The following LUZP2 variants were observed in gnomAD, a reference collection of about 807,000 sequenced individuals.
The protein encoded by LUZP2 is leucine zipper protein 2.
LUZP2 carries 52 observed loss-of-function variants against 51.6 expected under a neutral mutation model. That is an observed-to-expected ratio of 1.01 (90% CI 0.81 to 1.27). The LOEUF (loss-of-function observed/expected upper bound fraction) is 1.27, where lower values mean the gene tolerates loss of function less well. LUZP2 is among the 50% of genes most tolerant of loss of function. The pLI is 0.00. For missense variants in LUZP2, 436 were observed against 395.4 expected (o/e 1.10, Z -0.87); for synonymous variants, 154 against 137.3 (o/e 1.12, Z -0.85).
chr11:24,613,326 G>A (rs546656713), intron 1 of LUZP2, among the ~76,000 whole-genome samples: 2 of 145,956 alleles, frequency 1.4e-5, no homozygotes, highest in South Asian at 2.2e-4. Context: ...GTGCATGGGT[G>A]CACACACACA....
Position 24,617,329 on chromosome 11 carries a change from T to A in LUZP2, c.63-111840T>A, listed in dbSNP as rs1339964723. Reference sequence around the variant, plus strand: ...ATCCAATTTTGCCTTATTTTTCACCTGATTTGTGGCTACCTCCTCTCTTTT... The same window carrying A: ...ATCCAATTTTGCCTTATTTTTCACCAGATTTGTGGCTACCTCCTCTCTTTT... On this transcript the variant is annotated intron_variant, in intron 1 of 11. Coordinates refer to ENST00000336930, the MANE Select transcript of LUZP2 (RefSeq NM_001009909.4). Among the ~76,000 whole-genome samples the A allele has an allele frequency of 3.3e-5, 5 of 152,208 alleles. No homozygotes were observed. In the South Asian group the frequency reaches 1.0e-3, roughly 31 times the overall value.
At chr11:24,854,880 G>T (rs1251897095) in intron 5 of LUZP2, among the ~76,000 whole-genome samples, 1 of 152,134 alleles carries the variant, frequency 6.6e-6, no homozygotes, top group Admixed American at 6.5e-5. Flanking sequence ...TTGGCTAGGG[G>T]TGGGAATTTC....
At chr11:24,797,600 A>T (rs868358914) in intron 5 of LUZP2, among the ~76,000 whole-genome samples, 1 of 152,184 alleles carries the variant, frequency 6.6e-6, no homozygotes. Flanking sequence ...TAAACCTGCC[A>T]GTAGTAGAAA....
chr11:24,525,309 A>G (rs1333617964), intron 1 of LUZP2, among the ~76,000 whole-genome samples: 1 of 151,676 alleles, frequency 6.6e-6, no homozygotes, highest in East Asian at 1.9e-4. Context: ...TTTGTTTACA[A>G]AGGTAGAGAA....
At chr11:24,714,265 A>ATGTGCC (rs1857952059) in intron 1 of LUZP2, among the ~76,000 whole-genome samples, 1 of 152,040 alleles carries the variant, frequency 6.6e-6, no homozygotes, top group Admixed American at 6.6e-5. Flanking sequence ...CCTATGTAAC[A>ATGTGCC]AACCTGCATG....
chr11:24,966,278 T>C (rs1249373910), intron 7 of LUZP2, among the ~76,000 whole-genome samples: 1 of 151,642 alleles, frequency 6.6e-6, no homozygotes, highest in African/African-American at 2.4e-5. Context: ...GTCTTCTTAT[T>C]GTTGAGCTGT....
chr11:24,655,991 C>A (rs1855788209), intron 1 of LUZP2, among the ~76,000 whole-genome samples: 1 of 152,180 alleles, frequency 6.6e-6, no homozygotes, highest in South Asian at 2.1e-4. Flanking sequence ...CATTTGCCTA[C>A]TGTTACAAAA....
chr11:24,533,062 A>G (rs1309728122), intron 1 of LUZP2, among the ~76,000 whole-genome samples: 2 of 151,324 alleles, frequency 1.3e-5, no homozygotes, highest in Non-Finnish European at 3.0e-5. Context: ...ACAGTGCTGT[A>G]TAATCAGAGC....
At chr11:24,581,596 G>A (rs1404854833) in intron 1 of LUZP2, among the ~76,000 whole-genome samples, 4 of 151,756 alleles carry the variant, frequency 2.6e-5, no homozygotes, top group Admixed American at 6.6e-5. Context: ...GCTTGAACTC[G>A]GGAGGTGGAG....
intron 1 of LUZP2, among the ~76,000 whole-genome samples, chr11:24,617,404 G>A (rs1458805497): frequency 6.6e-6 from 1 of 152,064 alleles, no homozygotes; most frequent in African/African-American, 2.4e-5. Flanking sequence ...TTTTAGTGAT[G>A]ACTTCTTTAA....
chr11:24,725,594 T>G (rs1208791327), intron 1 of LUZP2, among the ~76,000 whole-genome samples: 1 of 151,564 alleles, frequency 6.6e-6, no homozygotes, highest in African/African-American at 2.4e-5. Context: ...TTAAAAGAAA[T>G]TGGAGAGGGG....
intron 1 of LUZP2, among the ~76,000 whole-genome samples, chr11:24,639,364 T>C (rs1279378851): frequency 6.6e-6 from 1 of 151,852 alleles, no homozygotes; most frequent in Non-Finnish European, 1.5e-5. Context: ...CCAGCTTCAA[T>C]TTTTTTCAGC....
At chr11:24,973,364 G>GTTTTTTT (rs369095558) in intron 7 of LUZP2, among the ~76,000 whole-genome samples, 25 of 102,986 alleles carry the variant, frequency 2.4e-4, no homozygotes, top group East Asian at 1.2e-3. Flanking sequence ...ATATTTATTA[G>GTTTTTTT]TTTTTTTTTT....
At chr11:25,021,182 G>A (rs958237505) in intron 9 of LUZP2, among the ~76,000 whole-genome samples, 5 of 151,930 alleles carry the variant, frequency 3.3e-5, no homozygotes, top group African/African-American at 1.2e-4. Context: ...TGATAACCAT[G>A]ACAAAATCTA....
chr11:24,855,856 C>T (rs1851550792), intron 5 of LUZP2, among the ~76,000 whole-genome samples: 1 of 152,098 alleles, frequency 6.6e-6, no homozygotes, highest in East Asian at 1.9e-4. Flanking sequence ...GCATACACAG[C>T]AGAAAGGACA....
intron 1 of LUZP2, among the ~76,000 whole-genome samples, chr11:24,626,354 C>T (rs138301501): frequency 6.6e-6 from 1 of 152,276 alleles, no homozygotes; most frequent in Non-Finnish European, 1.5e-5. Context: ...CCTTAGCAAG[C>T]AGCAGGCTTT....
chr11:24,605,674 A>G (rs2133875458), intron 1 of LUZP2, among the ~76,000 whole-genome samples: 1 of 152,018 alleles, frequency 6.6e-6, no homozygotes, highest in Admixed American at 6.6e-5. Flanking sequence ...TGAAATTTTG[A>G]ATTTTGAATT....
intron 1 of LUZP2, among the ~76,000 whole-genome samples, chr11:24,615,815 A>G (rs1260684728): frequency 1.3e-5 from 2 of 150,880 alleles, no homozygotes; most frequent in Non-Finnish European, 3.0e-5. Flanking sequence ...TTGGTTTTAT[A>G]TATGTCTCAT....
At chr11:24,576,412 C>CAAAAAAAAAAAAAAAAAAAAAAAAA (rs10549188) in intron 1 of LUZP2, among the ~76,000 whole-genome samples, 1 of 75,160 alleles carries the variant, frequency 1.3e-5, no homozygotes. Context: ...GACTCCATCT[C>CAAAAAAAAAAAAAAAAAAAAAAAAA]AAAAAAAAAA....
Sources: gnomAD v4.1 joint callset for allele counts (sites outside exome capture counted in the v4.1 genomes callset) on GRCh38, gnomAD v4.1.1 for gene constraint, MANE v1.5 for transcripts, NCBI Gene and HGNC (gene_info 2026-07-23, HGNC 2026-07-21) for gene names.